AOC2: variants seen among roughly 807,000 people sequenced by gnomAD.
AOC2 encodes the protein amine oxidase [copper-containing] 2.
In AOC2, 57 loss-of-function variants were observed where a neutral mutation model predicts 53.8. The observed-to-expected ratio is 1.06, with a 90% CI of 0.86 to 1.32. The LOEUF (loss-of-function observed/expected upper bound fraction) is 1.32. Ranked by LOEUF, AOC2 falls within the 40% of genes most tolerant of loss-of-function variation. The pLI, the probability that AOC2 is intolerant of heterozygous loss-of-function variation, is 0.00. For synonymous variants in AOC2, 404 were observed against 399.0 expected (o/e 1.01, Z -0.15); for missense variants, 1,008 against 957.2 (o/e 1.05, Z -0.70).
At chr17:42,849,877 AT>A in intron 3 of AOC2, 147 bp downstream of exon 3, 2 of 1,316,108 alleles carry the variant, frequency 1.5e-6, no homozygotes, top group Non-Finnish European at 2.1e-6. Flanking sequence ...AACACAGGTC[AT>A]CCCTCCTGGG....
chr17:42,849,546 G>T, intron 2 of AOC2, 55 bp from the exon 3 acceptor site: 2 of 1,613,656 alleles, frequency 1.2e-6, no homozygotes, highest in Non-Finnish European at 1.7e-6. Context: ...GGACTCCTGG[G>T]CCAGTAAAGG....
intron 1 of AOC2, among the ~76,000 whole-genome samples, chr17:42,848,022 C>G (rs2055612085): frequency 6.6e-6 from 1 of 150,562 alleles, no homozygotes; most frequent in Non-Finnish European, 1.5e-5. Context: ...AAGTGATCCA[C>G]TCGCCTCGGC....
In AOC2 at chr17:42,844,723, C is replaced by T. The variant is rs1431242528; in HGVS notation, c.97C>T (p.Gln33Ter). 3 of 1,614,234 alleles carry T rather than the reference C, an allele frequency of 1.9e-6. No individual in the cohort carries two copies. The highest frequency in any genetic ancestry group is 2.5e-6 in the Non-Finnish European group (3 of 1,180,038). ...VLLTSPGGSS[Q>*]PPHCPSVSHR... The stretch of plus-strand genomic sequence containing the variant: ...GCTGACCAGCCCAGGTGGTTCCAGC[C>T]AGCCTCCCCACTGCCCCTCTGTATC... Residue 33 changes from glutamine to a stop codon, truncating the protein, a stop_gained, in exon 1 of 4, where the codon CAG becomes TAG. Transcript: ENST00000253799. LOFTEE classifies it high-confidence loss of function.
chr17:42,849,317 T>G lies in AOC2; in HGVS notation c.1820T>G (p.Leu607Arg). 6.2e-7 allele frequency: 1 copy of G among 1,614,108 alleles called. No individual in the cohort carries two copies. The highest frequency in any genetic ancestry group is 8.5e-7 in the Non-Finnish European group (1 of 1,180,004). ...RGYRIQIHSP[L>R]GIHIPLESDM... Reference sequence around the variant, plus strand: ...TACCGAATCCAGATCCACAGCCCCCTTGGCATACACATACCCCTGGAGAGT... The same window carrying G: ...TACCGAATCCAGATCCACAGCCCCCGTGGCATACACATACCCCTGGAGAGT... The change falls in exon 2 of 4, where the codon CTT (leucine) becomes CGT (arginine). Residue 607 changes from leucine (L) to arginine (R), a missense_variant. Transcript: ENST00000253799.
chr17:42,845,362 AG>A lies in AOC2; in HGVS notation c.739del (p.Ala247ProfsTer50). The A allele has an allele frequency of 6.2e-7, 1 of 1,614,174 alleles. No individual in the cohort carries two copies. Among genetic ancestry groups the A allele is most frequent in the Non-Finnish European group, 8.5e-7 (1 of 1,180,018 alleles). On this transcript the variant is annotated frameshift_variant, in exon 1 of 4. Coordinates refer to ENST00000253799, the MANE Select transcript of AOC2 (RefSeq NM_009590.4). LOFTEE classifies it high-confidence loss of function. ...PVGLELLLDHRALDPAHWTVQ... is the reference protein window; with the variant it reads ...PVGLELLLDHXALDPAHWTVQ... ...GGGGCTGGAGCTACTACTGGACCAC[AG>A]GGCCCTGGACCCTGCCCACTGGACT...
At position 42,850,654 on chromosome 17, in the gene AOC2, GA is replaced by G. The variant is rs1362358727; in HGVS notation, c.*308del. The G allele has an allele frequency of 3.8e-6, 1 of 259,972 alleles. No individual in the cohort carries two copies. The highest frequency in any genetic ancestry group is 7.2e-6 in the Non-Finnish European group (1 of 139,034). The allele number at this position is 259,972 out of a possible 1,614,324, so 16.1% of individuals were successfully genotyped here. A position where few individuals can be genotyped will look rare whatever the true frequency, so the allele number is the denominator to read the frequency against. On this transcript the variant is annotated 3_prime_UTR_variant, in exon 4 of 4. Coordinates refer to ENST00000253799, the MANE Select transcript of AOC2 (RefSeq NM_009590.4). ...GTGCATTCAAAAGGAAGAGTAGATA[GA>G]ATTTTGTAAAACAGATGTTGTATGT...
chr17:42,846,960 G>A (rs2055604476), intron 1 of AOC2, among the ~76,000 whole-genome samples: 1 of 152,220 alleles, frequency 6.6e-6, no homozygotes, highest in African/African-American at 2.4e-5. Flanking sequence ...GGAAACTAAG[G>A]AGGGTGGCGG....
At chr17:42,849,864 A>G in intron 3 of AOC2, 134 bp downstream of exon 3, 1 of 1,375,856 alleles carries the variant, frequency 7.3e-7, no homozygotes, top group Non-Finnish European at 1.0e-6. Flanking sequence ...TTTTCTGATG[A>G]CCAACACAGG....
Position 42,845,796 on chromosome 17 carries a change from A to T in AOC2, c.1170A>T (p.Arg390=). Residue 390 remains arginine, a synonymous_variant, in exon 1 of 4, where the codon CGA becomes CGT. Transcript: ENST00000253799. ...DSSFGLGRNS[R]GLVRGVDCPY... is the part of the protein sequence containing the mutation. ...GCTTTGGACTCGGCCGTAACAGCCG[A>T]GGCTTGGTGCGGGGAGTGGACTGCC... 1 of 1,614,104 alleles carries T rather than the reference A, an allele frequency of 6.2e-7. No individual in the cohort carries two copies. Among genetic ancestry groups the T allele is most frequent in the Non-Finnish European group, 8.5e-7 (1 of 1,180,016 alleles).
chr17:42,847,822 C>A (rs929103742), intron 1 of AOC2, among the ~76,000 whole-genome samples: 1 of 151,564 alleles, frequency 6.6e-6, no homozygotes, highest in South Asian at 2.1e-4. Flanking sequence ...ACTCTGTTGC[C>A]CAGGCTGGAG....
Position 42,849,167 on chromosome 17 carries a change from G to A in AOC2, c.1670G>A (p.Arg557His), listed in dbSNP as rs200887039. The A allele has an allele frequency of 1.5e-5, 24 of 1,614,146 alleles. No individual in the cohort carries two copies. The highest frequency in any genetic ancestry group is 1.6e-4 in the Middle Eastern group (1 of 6,062). The change falls in exon 2 of 4, where the codon CGC (arginine) becomes CAC (histidine). Residue 557 changes from arginine (R) to histidine (H), a missense_variant. Coordinates refer to ENST00000253799, the MANE Select transcript of AOC2 (RefSeq NM_009590.4). ...APWNPEHWLQ[R>H]PQLTRQVLGK... Reference sequence around the variant, plus strand: ...TGGAACCCGGAGCACTGGCTACAGCGCCCACAGCTGACTCGGCAGGTCCTG... The same window carrying A: ...TGGAACCCGGAGCACTGGCTACAGCACCCACAGCTGACTCGGCAGGTCCTG...
intron 1 of AOC2, among the ~76,000 whole-genome samples, chr17:42,848,524 A>AATATATATATAC (rs1567686432): frequency 3.0e-5 from 4 of 131,288 alleles, no homozygotes; most frequent in African/African-American, 1.3e-4. Flanking sequence ...AGAGGAACTG[A>AATATATATATAC]ATATATATAT....
rs763990161 is a variant in AOC2, at chr17:42,844,761, G to A, written c.135G>A (p.Gln45=). The change falls in exon 1 of 4, where the codon CAG becomes CAA. Residue 45 remains glutamine (Q), a synonymous_variant. Transcript: ENST00000253799. ...PHCPSVSHRA[Q]PWPHPGQSQL... ...GCCCCTCTGTATCCCATAGGGCCCA[G>A]CCCTGGCCACACCCTGGCCAGAGCC... is the stretch of plus-strand genomic sequence containing the variant. 9.3e-6 allele frequency: 15 copies of A among 1,614,190 alleles called. No individual in the cohort carries two copies. The highest frequency in any genetic ancestry group is 1.3e-5 in the Non-Finnish European group (15 of 1,180,030).
Position 42,849,096 on chromosome 17 carries a change from CTG to C in AOC2, c.1600_1601del (p.Trp534GlyfsTer4), listed in dbSNP as rs1230271729. ...LDLDVAGLKN[W>X]VVAEDVVFKP... ...CCCTCCCCCTGGCAGGGCTGAAAAA[CTG>C]GGTGGTAGCTGAAGACGTGGTGTTT... On this transcript the variant is annotated frameshift_variant, in exon 2 of 4. Coordinates refer to ENST00000253799, the MANE Select transcript of AOC2 (RefSeq NM_009590.4). LOFTEE classifies it high-confidence loss of function. The C allele has an allele frequency of 1.2e-6, 2 of 1,608,010 alleles. No individual in the cohort carries two copies. The highest frequency in any genetic ancestry group is 1.7e-4 in the Middle Eastern group (1 of 6,048).
rs771526592 is a variant in AOC2 at position 42,850,289 on chromosome 17, C to G, written c.2212C>G (p.Leu738Val). 6.2e-7 allele frequency: 1 copy of G among 1,613,494 alleles called. No homozygotes were observed. The highest frequency in any genetic ancestry group is 1.3e-5 in the African/African-American group (1 of 74,894). Residue 738 changes from leucine (L) to valine (V), a missense_variant, in exon 4 of 4, where the codon CTC (leucine) becomes GTC (valine). Physicochemically the swap from Leu to Val is conservative, Grantham distance 32. Transcript: ENST00000253799. ...CTGCAGCATCAATCCTGTGGCCTGC[C>G]TCCCCGACCTGGCAGCCTGTGTCCC... ...GLCSINPVAC[L>V]PDLAACVPDL...
In AOC2 at chr17:42,849,802, A is replaced by G. The variant is rs1326551022; in HGVS notation, c.2004+72A>G. 2.6e-5 allele frequency: 42 copies of G among 1,600,060 alleles called. No homozygotes were observed. The East Asian group carries it at 5.8e-4, about 22-fold the overall frequency. ...ATCTTGGCTGCCCAGCCTCTGGCCA[A>G]AGGTTAGAGGGAATGGCTGATTTCC... On this transcript the variant is annotated intron_variant, in intron 3 of 3. Transcript: ENST00000253799.
intron 1 of AOC2, 109 bp from the exon 2 acceptor site, chr17:42,848,977 C>G (rs2055621238): frequency 8.3e-7 from 1 of 1,202,254 alleles, no homozygotes; most frequent in Middle Eastern, 2.1e-4. Context: ...CTCTGATGCT[C>G]TCTCTGCCTT....
In AOC2 at chr17:42,846,015, C is replaced by T; in HGVS notation, c.1389C>T (p.Gly463=). The part of the protein sequence containing the change: ...ALVVRSVSSV[G]NYDYIWDFVL... ...TGGTCAGGTCTGTGTCATCTGTGGG[C>T]AACTATGACTACATTTGGGACTTTG... The change falls in exon 1 of 4, where the codon GGC becomes GGT. Residue 463 remains glycine (G), a synonymous_variant. Coordinates refer to ENST00000253799, the MANE Select transcript of AOC2 (RefSeq NM_009590.4). 1.2e-6 allele frequency: 2 copies of T among 1,613,884 alleles called. No homozygotes were observed. The highest frequency in any genetic ancestry group is 1.6e-4 in the Middle Eastern group (1 of 6,062).
At position 42,845,269 on chromosome 17, in the gene AOC2, G is replaced by A; in HGVS notation, c.643G>A (p.Gly215Arg). 1 of 1,614,142 alleles carries A rather than the reference G, an allele frequency of 6.2e-7. No individual in the cohort carries two copies. The highest frequency in any genetic ancestry group is 8.5e-7 in the Non-Finnish European group (1 of 1,180,040). ...VHATPRGLRS[G>R]DRATWMALYH... is the part of the protein sequence containing the mutation. ...TGCCACCCCTCGGGGCTTGCGCTCA[G>A]GGGACCGAGCTACCTGGATGGCCCT... The change falls in exon 1 of 4, where the codon GGG becomes AGG. Residue 215 changes from glycine (G) to arginine (R), a missense_variant. Gly to Arg is a moderately radical substitution (Grantham distance 125, BLOSUM62 -2). Transcript: ENST00000253799.
Sources: allele counts gnomAD v4.1 joint callset (sites outside exome capture counted in the v4.1 genomes callset), GRCh38; gene constraint gnomAD v4.1.1; transcripts MANE v1.5; gene names NCBI Gene and HGNC (gene_info 2026-07-23, HGNC 2026-07-21).